The following IDE variants were observed in gnomAD, a reference collection of about 807,000 sequenced individuals.
The protein encoded by IDE is insulin degrading enzyme, also known as insulin-degrading enzyme.
A neutral mutation model predicts 133.2 loss-of-function variants in IDE; 58 were observed. The observed-to-expected ratio is 0.44, with a 90% CI of 0.35 to 0.54. The LOEUF (loss-of-function observed/expected upper bound fraction) is 0.54, where lower values mean the gene tolerates loss of function less well. Ranked by LOEUF, IDE falls within the 20% of genes least tolerant of loss-of-function variation. IDE has a pLI of 0.00. For missense variants in IDE, 981 were observed against 1,234.0 expected, an observed-to-expected ratio of 0.79 and a Z score of 3.07; for synonymous variants, 396 against 421.3, an observed-to-expected ratio of 0.94 and a Z score of 0.73.
chr10:92,556,055 C>T (rs1409047738), intron 1 of IDE, among the ~76,000 whole-genome samples: 4 of 151,346 alleles, frequency 2.6e-5, no homozygotes, highest in African/African-American at 7.3e-5. Context: ...CGCCTGTAGT[C>T]CCAGCTACTC....
At chr10:92,532,053 G>GA in intron 3 of IDE, 136 bp from the exon 4 acceptor site, 2 of 520,910 alleles carry the variant, frequency 3.8e-6, no homozygotes, top group Non-Finnish European at 6.5e-6. Flanking sequence ...TTGCTACTAA[G>GA]AAAAAAGGAG....
intron 1 of IDE, among the ~76,000 whole-genome samples, chr10:92,570,441 A>C (rs77335557): frequency 6.6e-6 from 1 of 152,192 alleles, no homozygotes; most frequent in African/African-American, 2.4e-5. Context: ...AGAACAGTGA[A>C]AACAGACTGA....
chr10:92,525,410 GT>G (rs1376228155), intron 4 of IDE, among the ~76,000 whole-genome samples: 7 of 152,144 alleles, frequency 4.6e-5, no homozygotes, highest in Non-Finnish European at 7.3e-5. Context: ...AATAAAGGCT[GT>G]ATATGACAAA....
chr10:92,568,641 C>T (rs987103530), intron 1 of IDE, among the ~76,000 whole-genome samples: 1 of 151,718 alleles, frequency 6.6e-6, no homozygotes, highest in Non-Finnish European at 1.5e-5. Flanking sequence ...CATGGTGAAA[C>T]CCCATGTCTA....
rs2135541966 is a variant in IDE at position 92,509,015 on chromosome 10, A to C, written c.898-125T>G. The stretch of plus-strand genomic sequence containing the variant: ...TAAGAGCAAATCAATTGCCACAGAA[A>C]ATGATACACTGACCACAAAGAAATA... On this transcript the variant is annotated intron_variant, in intron 6 of 24. Transcript: ENST00000265986. 7 of 695,472 alleles carry C rather than the reference A, an allele frequency of 1.0e-5. No homozygotes were observed. The South Asian group carries it at 1.1e-4, about 11-fold the overall frequency. The allele number at this position is 695,472 out of a possible 1,614,324, so 43.1% of individuals were successfully genotyped here. A position where few individuals can be genotyped will look rare whatever the true frequency, so the allele number is the denominator to read the frequency against.
intron 8 of IDE, 79 bp downstream of exon 8, chr10:92,508,034 A>G: frequency 1.0e-6 from 1 of 977,272 alleles, no homozygotes. Flanking sequence ...CATAAAACAG[A>G]TCCACAGCAT....
chr10:92,538,496 T>C (rs1323593841), intron 1 of IDE, among the ~76,000 whole-genome samples: 4 of 152,232 alleles, frequency 2.6e-5, no homozygotes, highest in African/African-American at 9.6e-5. Context: ...CCAAGTATTT[T>C]TGTAACCTGC....
intron 1 of IDE, among the ~76,000 whole-genome samples, chr10:92,549,024 G>A (rs561508494): frequency 6.6e-6 from 1 of 152,168 alleles, no homozygotes; most frequent in Admixed American, 6.5e-5. Context: ...TTGGGAGGCT[G>A]AGGCGGGCGG....
intron 7 of IDE, 82 bp from the exon 8 acceptor site, chr10:92,508,287 T>G: frequency 9.9e-7 from 1 of 1,014,630 alleles, no homozygotes. Context: ...AAATTCATAC[T>G]GTATGTTCCT....
intron 7 of IDE, 93 bp downstream of exon 7, chr10:92,508,635 A>C: frequency 8.4e-7 from 1 of 1,188,770 alleles, no homozygotes; most frequent in South Asian, 1.3e-5. Context: ...CACATCTAAC[A>C]ATGTTCCTTC....
Position 92,463,764 on chromosome 10 carries a change from C to A in IDE, c.2728G>T (p.Glu910Ter). 1 of 1,614,124 alleles carries A rather than the reference C, an allele frequency of 6.2e-7. No homozygotes were observed. The highest frequency in any genetic ancestry group is 8.5e-7 in the Non-Finnish European group (1 of 1,179,996). The change falls in exon 21 of 25, where the codon GAA (glutamate) becomes TAA (stop). Residue 910 changes from glutamate (E) to a stop codon, truncating the protein, a stop_gained. Transcript: ENST00000265986. LOFTEE classifies it high-confidence loss of function. ...AAATTATATTGCTGGGAGATGATTT[C>A]TCCCCAGTATTTAGCACACTCAGCA... ...LSAECAKYWG[E>*]IISQQYNFDR...
chr10:92,454,187 T>C lies in IDE; in HGVS notation c.*257A>G, dbSNP rs1844869943. The C allele has an allele frequency of 3.3e-6, 1 of 307,624 alleles. No homozygotes were observed. The highest frequency in any genetic ancestry group is 6.1e-6 in the Non-Finnish European group (1 of 164,150). 19.1% of individuals were successfully genotyped at this position (307,624 alleles called of 1,614,324 possible). ...ATCATTCATTTTAAGCATTGTTATA[T>C]TGGGGAAATTTCTCTCAGTAATCAA... On this transcript the variant is annotated 3_prime_UTR_variant, in exon 25 of 25. Coordinates refer to ENST00000265986, the MANE Select transcript of IDE (RefSeq NM_004969.4).
chr10:92,513,473 G>A (rs1483446503), intron 5 of IDE, among the ~76,000 whole-genome samples: 1 of 152,208 alleles, frequency 6.6e-6, no homozygotes, highest in East Asian at 1.9e-4. Context: ...AATTACAGGT[G>A]TGAGCCACTG....
chr10:92,462,873 T>C (rs1845470993), intron 21 of IDE, among the ~76,000 whole-genome samples: 1 of 152,066 alleles, frequency 6.6e-6, no homozygotes, highest in African/African-American at 2.4e-5. Flanking sequence ...GAGACAGTAT[T>C]ATCATTAATA....
At chr10:92,495,715 AC>A (rs935981406) in intron 11 of IDE, among the ~76,000 whole-genome samples, 9 of 152,214 alleles carry the variant, frequency 5.9e-5, no homozygotes, top group Admixed American at 4.6e-4. Flanking sequence ...AAAATTCTAC[AC>A]TATCATGATA....
At chr10:92,529,597 C>A (rs1349323531) in intron 4 of IDE, among the ~76,000 whole-genome samples, 1 of 152,034 alleles carries the variant, frequency 6.6e-6, no homozygotes, top group African/African-American at 2.4e-5. Context: ...TTCTTGTGGC[C>A]AGGCATGGTG....
intron 4 of IDE, among the ~76,000 whole-genome samples, chr10:92,517,836 A>G (rs1360807520): frequency 6.6e-6 from 1 of 152,068 alleles, no homozygotes; most frequent in African/African-American, 2.4e-5. Flanking sequence ...GAATCACTTG[A>G]AACCAGGAGG....
At chr10:92,456,541 A>C (rs1845016539) in intron 22 of IDE, 110 bp from the exon 23 acceptor site, 1 of 809,730 alleles carries the variant, frequency 1.2e-6, no homozygotes, top group Non-Finnish European at 2.1e-6. Context: ...GATATAGAAA[A>C]GATGCTTCCC....
At chr10:92,563,523 C>T (rs543779015) in intron 1 of IDE, among the ~76,000 whole-genome samples, 2 of 151,050 alleles carry the variant, frequency 1.3e-5, no homozygotes, top group South Asian at 2.1e-4. Flanking sequence ...GAGGCTGAGG[C>T]GGGCAGATAA....
Sources: allele counts gnomAD v4.1 joint callset (sites outside exome capture counted in the v4.1 genomes callset), GRCh38; gene constraint gnomAD v4.1.1; transcripts MANE v1.5; gene names NCBI Gene and HGNC (gene_info 2026-07-23, HGNC 2026-07-21).